The following TCF4 variants were observed in gnomAD, a reference collection of about 807,000 sequenced individuals.
TCF4 encodes the protein transcription factor 4, also known as SL3-3 enhancer factor 2.
In TCF4, 3 loss-of-function variants were observed where a neutral mutation model predicts 82.1. That is an observed-to-expected ratio of 0.04 (90% CI 0.02 to 0.09). The LOEUF (loss-of-function observed/expected upper bound fraction) is 0.09, where lower values mean the gene tolerates loss of function less well. Ranked by LOEUF, TCF4 falls within the 10% of genes least tolerant of loss-of-function variation. The probability of loss-of-function intolerance (pLI) is 1.00; values close to 1 mark genes in which losing one functional copy is unlikely to be tolerated. For synonymous variants in TCF4, 276 were observed against 309.6 expected (o/e 0.89, Z 1.14); for missense variants, 518 against 852.7 (o/e 0.61, Z 4.89).
chr18:55,508,804 A>G (rs2096792923), intron 3 of TCF4, among the ~76,000 whole-genome samples: 1 of 152,194 alleles, frequency 6.6e-6, no homozygotes, highest in Admixed American at 6.5e-5. Context: ...ACTGCAAATA[A>G]CAAAACCGCA....
rs546699240 is a variant in TCF4 at position 55,247,734 on chromosome 18, C to T, written c.1350+6763G>A. ...ATGACAGGGAGTCCAAACTTTTTTT[C>T]AGGTTAAATATTTGAAGATAGTGAT... On this transcript the variant is annotated intron_variant, in intron 15 of 19. Coordinates refer to ENST00000354452, the MANE Select transcript of TCF4 (RefSeq NM_001083962.2). 2.6e-5 allele frequency among the ~76,000 whole-genome samples: 4 copies of T among 152,242 alleles called. No individual in the cohort carries two copies. The East Asian group carries it at 5.8e-4, about 22-fold the overall frequency.
intron 2 of TCF4, among the ~76,000 whole-genome samples, chr18:55,615,593 T>A (rs1435924718): frequency 6.6e-6 from 1 of 152,104 alleles, no homozygotes; most frequent in East Asian, 1.9e-4. Flanking sequence ...CATCTTTACC[T>A]CCTTCCTGAT....
At chr18:55,286,768 AT>A (rs1294934970) in intron 8 of TCF4, among the ~76,000 whole-genome samples, 2 of 152,234 alleles carry the variant, frequency 1.3e-5, no homozygotes, top group African/African-American at 2.4e-5. Context: ...GTCAAGGAAT[AT>A]TTACTAATGG....
At chr18:55,593,473 G>A (rs1393629636), upstream of TCF4, among the ~76,000 whole-genome samples, 1 of 152,164 alleles carries the variant, frequency 6.6e-6, no homozygotes, top group Non-Finnish European at 1.5e-5. Context: ...TTTGCCACTG[G>A]ATTCATAGAC....
At chr18:55,612,141 A>G (rs2097707669) in intron 2 of TCF4, among the ~76,000 whole-genome samples, 1 of 152,124 alleles carries the variant, frequency 6.6e-6, no homozygotes, top group Non-Finnish European at 1.5e-5. Context: ...CCACTTCTCA[A>G]TTTGGATGAG....
chr18:55,432,671 C>G (rs979288282), intron 5 of TCF4, among the ~76,000 whole-genome samples: 42 of 152,232 alleles, frequency 2.8e-4, no homozygotes, highest in African/African-American at 1.0e-3. Context: ...AACATACATG[C>G]TACACCGATT....
chr18:55,321,691 C>T (rs1172855847), intron 8 of TCF4: 6 of 1,536,042 alleles, frequency 3.9e-6, no homozygotes, highest in Non-Finnish European at 4.4e-6. Flanking sequence ...TATAGTAGTA[C>T]ATCAAAGAGT....
chr18:55,410,793 TAA>T, intron 5 of TCF4, among the ~76,000 whole-genome samples: 1 of 152,234 alleles, frequency 6.6e-6, no homozygotes, highest in Non-Finnish European at 1.5e-5. Context: ...ACTCAATTCA[TAA>T]AGTCAAAGAG....
intron 2 of TCF4, among the ~76,000 whole-genome samples, chr18:55,608,878 A>G (rs2097704610): frequency 6.6e-6 from 1 of 152,162 alleles, no homozygotes; most frequent in African/African-American, 2.4e-5. Flanking sequence ...ACTTTGGACT[A>G]AATGCTTGTA....
intron 5 of TCF4, among the ~76,000 whole-genome samples, chr18:55,460,493 T>A (rs1692442058): frequency 6.6e-6 from 1 of 152,192 alleles, no homozygotes; most frequent in African/African-American, 2.4e-5. Context: ...CCTAGGCCAT[T>A]AGCACTAAAG....
chr18:55,427,527 G>A (rs2095038968), intron 5 of TCF4, among the ~76,000 whole-genome samples: 1 of 152,164 alleles, frequency 6.6e-6, no homozygotes, highest in South Asian at 2.1e-4. Context: ...CATCATCCCT[G>A]TTTCCAATGA....
intron 8 of TCF4, among the ~76,000 whole-genome samples, chr18:55,291,081 T>G (rs2064987718): frequency 6.6e-6 from 1 of 152,184 alleles, no homozygotes; most frequent in Admixed American, 6.5e-5. Context: ...TGGTCAACCA[T>G]GCTACCCATC....
intron 8 of TCF4, among the ~76,000 whole-genome samples, chr18:55,328,145 C>T (rs947416096): frequency 3.3e-5 from 5 of 152,132 alleles, no homozygotes; most frequent in African/African-American, 1.2e-4. Context: ...GGAACCTACA[C>T]ATTTGACTCA....
At chr18:55,237,620 C>A (rs911276661) in intron 15 of TCF4, among the ~76,000 whole-genome samples, 7 of 51,982 alleles carry the variant, frequency 1.3e-4, no homozygotes, top group Non-Finnish European at 2.4e-4. Context: ...CAGGCGCCCA[C>A]CACCACGCCG....
chr18:55,369,543 C>T (rs1231705663), intron 6 of TCF4, among the ~76,000 whole-genome samples: 2 of 152,194 alleles, frequency 1.3e-5, no homozygotes, highest in East Asian at 3.9e-4. Flanking sequence ...TCAGGTAGCA[C>T]ATGACAGTCC....
chr18:55,409,222 T>A (rs1173246375), intron 5 of TCF4, among the ~76,000 whole-genome samples: 3 of 152,144 alleles, frequency 2.0e-5, no homozygotes, highest in East Asian at 3.8e-4. Flanking sequence ...AGAATAGTGA[T>A]CCCACAACGG....
At chr18:55,321,502 G>C (rs1602570741) in intron 8 of TCF4, 1 of 999,250 alleles carries the variant, frequency 1.0e-6, no homozygotes, top group East Asian at 2.6e-5. Flanking sequence ...AGGAGAAGAA[G>C]TAGGCAAGAA....
At chr18:55,436,572 A>T (rs1286882996) in intron 5 of TCF4, among the ~76,000 whole-genome samples, 1 of 152,230 alleles carries the variant, frequency 6.6e-6, no homozygotes, top group Non-Finnish European at 1.5e-5. Flanking sequence ...ACAGAAGCAC[A>T]AAAGAAGCAA....
At chr18:55,321,493 G>T in intron 8 of TCF4, 2 of 933,230 alleles carry the variant, frequency 2.1e-6, no homozygotes, top group Non-Finnish European at 3.3e-6. Context: ...AAAAGACGAA[G>T]GAGAAGAAGT....
Sources: allele counts gnomAD v4.1 joint callset (sites outside exome capture counted in the v4.1 genomes callset), GRCh38; gene constraint gnomAD v4.1.1; transcripts MANE v1.5; gene names NCBI Gene and HGNC (gene_info 2026-07-23, HGNC 2026-07-21).